The following PTPRA variants were observed in gnomAD, a reference collection of about 807,000 sequenced individuals.
PTPRA encodes the protein protein tyrosine phosphatase receptor type A.
Under a neutral mutation model 104.8 loss-of-function variants are expected in PTPRA, and 25 were observed. The ratio of observed to expected loss-of-function variants is 0.24; its 90% CI spans 0.17 to 0.33. The LOEUF is 0.33. Ranked by LOEUF, PTPRA falls within the 10% of genes least tolerant of loss-of-function variation. PTPRA has a pLI of 1.00. For missense variants in PTPRA, 765 were observed against 1,015.3 expected (o/e 0.75, Z 3.35); for synonymous variants, 323 against 368.9 (o/e 0.88, Z 1.43).
chr20:2,949,307 C>CTT (rs150488260), intron 3 of PTPRA, among the ~76,000 whole-genome samples: 1 of 138,680 alleles, frequency 7.2e-6, no homozygotes. Context: ...TGTAGATTTT[C>CTT]TTTTTTTTTT....
chr20:2,874,044 A>G, intron 1 of PTPRA, among the ~76,000 whole-genome samples: 1 of 152,198 alleles, frequency 6.6e-6, no homozygotes, highest in East Asian at 1.9e-4. Context: ...GCACTGCCAG[A>G]GTTGATTCTC....
At chr20:2,998,674 T>C (rs1337466150) in intron 9 of PTPRA, among the ~76,000 whole-genome samples, 1 of 152,142 alleles carries the variant, frequency 6.6e-6, no homozygotes, top group Non-Finnish European at 1.5e-5. Flanking sequence ...CCCATCACTC[T>C]AGTGTTCAGT....
chr20:3,027,806 A>G lies in PTPRA; in HGVS notation c.1885A>G (p.Ile629Val), dbSNP rs376456519. 9.9e-5 allele frequency: 159 copies of G among 1,614,082 alleles called. No individual in the cohort carries two copies. The highest frequency in any genetic ancestry group is 1.6e-4 in the Middle Eastern group (1 of 6,084). The change falls in exon 20 of 24, where the codon ATC becomes GTC. Residue 629 changes from isoleucine (I) to valine (V), a missense_variant. This residue lies in a region of PTPRA where 192 missense variants were observed against 227.0 expected (regional missense o/e 0.85). Transcript: ENST00000399903. Reference sequence around the variant, plus strand: ...GATCTGGGAGTGGAAATCCTGCTCTATCGTGATGCTAACAGAACTGGAGGA... The same window carrying G: ...GATCTGGGAGTGGAAATCCTGCTCTGTCGTGATGCTAACAGAACTGGAGGA... The part of the protein sequence containing the change: ...RMIWEWKSCS[I>V]VMLTELEERG...
chr20:2,995,290 TCCC>T (rs1331606517), intron 9 of PTPRA, among the ~76,000 whole-genome samples: 1 of 149,440 alleles, frequency 6.7e-6, no homozygotes, highest in African/African-American at 2.4e-5. Flanking sequence ...TTACTTTTTT[TCCC>T]CCGCTGTAGA....
chr20:2,874,211 G>A (rs1018403669), intron 1 of PTPRA, among the ~76,000 whole-genome samples: 6 of 49,818 alleles, frequency 1.2e-4, no homozygotes, highest in Non-Finnish European at 2.1e-4. Flanking sequence ...CCGTCTCCCA[G>A]GCCCCTCTCC....
chr20:2,864,780 ACT>A, the PTPRA span: 39 of 1,191,264 alleles, frequency 3.3e-5, no homozygotes, highest in Middle Eastern at 2.7e-4. This position sits in a 1 kb window ranked among gnomAD's most constrained non-coding sequence, Gnocchi z 5.2. Flanking sequence ...TGTGAGGGAG[ACT>A]CTGACGTGAG....
At chr20:2,864,209 C>T in the PTPRA span, 1 of 1,614,214 alleles carries the variant, frequency 6.2e-7, no homozygotes, top group Non-Finnish European at 8.5e-7. The surrounding 1 kb of genome is among the most constrained non-coding windows in gnomAD (Gnocchi z 5.2). Context: ...CTCAGGGGAG[C>T]AGGTACCCCT....
At chr20:2,991,016 T>C (rs550964592) in intron 9 of PTPRA, among the ~76,000 whole-genome samples, 5 of 152,260 alleles carry the variant, frequency 3.3e-5, no homozygotes, top group African/African-American at 7.2e-5. Flanking sequence ...TTGGGGGCTA[T>C]TGGAAAAATA....
intron 20 of PTPRA, among the ~76,000 whole-genome samples, chr20:3,033,335 C>T (rs1359679741): frequency 6.6e-6 from 1 of 151,900 alleles, no homozygotes; most frequent in African/African-American, 2.4e-5. Flanking sequence ...CTTCCTTCCT[C>T]CCCTCTCCTC....
intron 6 of PTPRA, among the ~76,000 whole-genome samples, chr20:2,981,394 C>T (rs1185748665): frequency 6.6e-6 from 1 of 152,000 alleles, no homozygotes; most frequent in Non-Finnish European, 1.5e-5. Flanking sequence ...GGGCTATTTC[C>T]CCCACAAAGG....
chr20:2,924,295 A>G (rs1052910310), intron 2 of PTPRA, among the ~76,000 whole-genome samples: 3 of 152,098 alleles, frequency 2.0e-5, no homozygotes, highest in African/African-American at 4.8e-5. Flanking sequence ...CCAGCTACTC[A>G]GGAGGCTAAG....
At chr20:3,003,700 ATTTTTTTTT>A (rs59358849) in intron 9 of PTPRA, among the ~76,000 whole-genome samples, 4 of 105,560 alleles carry the variant, frequency 3.8e-5, no homozygotes, top group Admixed American at 9.7e-5. Context: ...ATACCTGGCT[ATTTTTTTTT>A]TTTTTTTTTT....
At chr20:2,982,231 G>C (rs2062706150) in intron 6 of PTPRA, among the ~76,000 whole-genome samples, 1 of 151,442 alleles carries the variant, frequency 6.6e-6, no homozygotes, top group Non-Finnish European at 1.5e-5. Context: ...GCTGGGACCA[G>C]AGGGGTGTGC....
chr20:3,026,739 C>A lies in PTPRA; in HGVS notation c.1667C>A (p.Pro556Gln), dbSNP rs149989636. Residue 556 changes from proline to glutamine, a missense_variant, in exon 18 of 24, where the codon CCA becomes CAA. Pro to Gln is a moderately conservative substitution (Grantham distance 76). This residue lies in a region of PTPRA where 192 missense variants were observed against 227.0 expected (regional missense o/e 0.85). Transcript: ENST00000399903. ...GACAAGATGCGGACTGGAAACCTTC[C>A]AGCCAACATGAAGAAGAACCGTGTT... is the stretch of plus-strand genomic sequence containing the variant. ...QNDKMRTGNL[P>Q]ANMKKNRVLQ... 2 of 1,613,288 alleles carry A rather than the reference C, an allele frequency of 1.2e-6. No homozygotes were observed. Among genetic ancestry groups the A allele is most frequent in the African/African-American group, 2.7e-5 (2 of 74,876 alleles).
chr20:2,902,733 G>C (rs1184721678), intron 1 of PTPRA, among the ~76,000 whole-genome samples: 2 of 152,148 alleles, frequency 1.3e-5, no homozygotes, highest in African/African-American at 4.8e-5. Flanking sequence ...TTGAAGATTA[G>C]ATTTTAATTT....
chr20:2,983,901 C>G (rs2062794789), intron 6 of PTPRA, among the ~76,000 whole-genome samples: 1 of 152,064 alleles, frequency 6.6e-6, no homozygotes, highest in Non-Finnish European at 1.5e-5. Context: ...AGTCATCTCT[C>G]TGATCAGATT....
rs758483426 is a variant in PTPRA at position 3,037,126 on chromosome 20, T to C, written c.2199-28T>C. On this transcript the variant is annotated intron_variant, in intron 22 of 23. Transcript: ENST00000399903. The surrounding 1 kb of genome is among the most constrained non-coding windows in gnomAD (Gnocchi z 4.3). The stretch of plus-strand genomic sequence containing the variant: ...CCCTTGCACAGAGGGCCATCACAGG[T>C]GTGGTAAATGTGTCTGCTCTGTTGC... The C allele has an allele frequency of 1.2e-6, 2 of 1,609,598 alleles. No homozygotes were observed. The highest frequency in any genetic ancestry group is 2.2e-5 in the South Asian group (2 of 90,422).
In PTPRA at chr20:3,029,269, A is replaced by G. The variant is rs528597789; in HGVS notation, c.1920+1428A>G. On this transcript the variant is annotated intron_variant, in intron 20 of 23. Transcript: ENST00000399903. Reference sequence around the variant, plus strand: ...GATCCTCCCACATAGCCCTCCAAGTAGCTAGGACTAAAGGCACGTGCCACC... The same window carrying G: ...GATCCTCCCACATAGCCCTCCAAGTGGCTAGGACTAAAGGCACGTGCCACC... Among the ~76,000 whole-genome samples, 135 of 151,518 alleles carry G rather than the reference A, an allele frequency of 8.9e-4. 2 individuals carry two copies. The highest frequency in any genetic ancestry group is 2.7e-3 in the South Asian group (13 of 4,792).
At chr20:2,941,862 G>A (rs1241715376) in intron 2 of PTPRA, among the ~76,000 whole-genome samples, 1 of 152,090 alleles carries the variant, frequency 6.6e-6, no homozygotes, top group South Asian at 2.1e-4. Context: ...GCCTTAGGGA[G>A]GCCTTGGCTG....
Sources: allele counts gnomAD v4.1 joint callset (sites outside exome capture counted in the v4.1 genomes callset), GRCh38; gene constraint gnomAD v4.1.1; regional missense constraint gnomAD v4.1.1; non-coding constraint Gnocchi (gnomAD v3.1); transcripts MANE v1.5; gene names NCBI Gene and HGNC (gene_info 2026-07-23, HGNC 2026-07-21).